Variants in MARCHF4 observed in about 807,000 individuals in gnomAD.
MARCHF4 encodes membrane associated ring-CH-type finger 4.
A neutral mutation model predicts 43.9 loss-of-function variants in MARCHF4; 14 were observed. That is an observed-to-expected ratio of 0.32 (90% CI 0.21 to 0.50). The LOEUF is 0.50. MARCHF4 is among the 20% of genes least tolerant of loss of function. The probability of loss-of-function intolerance (pLI) is 0.98; values close to 1 mark genes in which losing one functional copy is unlikely to be tolerated. For synonymous variants in MARCHF4, 226 were observed against 213.3 expected, an observed-to-expected ratio of 1.06 and a Z score of -0.52; for missense variants, 468 against 536.7, an observed-to-expected ratio of 0.87 and a Z score of 1.27.
intron 1 of MARCHF4, among the ~76,000 whole-genome samples, chr2:216,349,922 C>T (rs896546878): frequency 1.6e-4 from 24 of 152,116 alleles, no homozygotes; most frequent in African/African-American, 5.6e-4. Context: ...TGGCCTGATG[C>T]TTTCCTCCCA....
intron 1 of MARCHF4, among the ~76,000 whole-genome samples, chr2:216,305,446 T>C (rs558132958): frequency 6.6e-6 from 1 of 152,354 alleles, no homozygotes; most frequent in South Asian, 2.1e-4. Context: ...GATAAATCCT[T>C]ATTCCTATTC....
chr2:216,355,155 A>G (rs1052513325), intron 1 of MARCHF4, among the ~76,000 whole-genome samples: 15 of 151,932 alleles, frequency 9.9e-5, no homozygotes, highest in African/African-American at 3.6e-4. Context: ...TATTTTTAGT[A>G]GAGACGGGGT....
intron 3 of MARCHF4, among the ~76,000 whole-genome samples, chr2:216,270,928 T>C (rs1173298634): frequency 6.6e-6 from 1 of 152,204 alleles, no homozygotes; most frequent in African/African-American, 2.4e-5. Flanking sequence ...TTACAAGCAT[T>C]TTCCAGCGAA....
At chr2:216,362,649 G>C (rs1010081672) in intron 1 of MARCHF4, among the ~76,000 whole-genome samples, 20 of 152,156 alleles carry the variant, frequency 1.3e-4, no homozygotes, top group African/African-American at 4.8e-4. Flanking sequence ...TTGGATTACA[G>C]AGTTGGATAG....
At chr2:216,287,170 T>C (rs554914147) in intron 1 of MARCHF4, among the ~76,000 whole-genome samples, 1 of 152,236 alleles carries the variant, frequency 6.6e-6, no homozygotes, top group South Asian at 2.1e-4. Flanking sequence ...CCCACCATCA[T>C]CCACAGTTTG....
intron 1 of MARCHF4, among the ~76,000 whole-genome samples, chr2:216,368,348 G>A (rs1306870196): frequency 6.6e-6 from 1 of 152,156 alleles, no homozygotes; most frequent in Non-Finnish European, 1.5e-5. Flanking sequence ...CACTCTGGAG[G>A]ATTTTTCCTA....
intron 1 of MARCHF4, among the ~76,000 whole-genome samples, chr2:216,313,560 C>G (rs1407372771): frequency 6.6e-6 from 1 of 152,184 alleles, no homozygotes; most frequent in Non-Finnish European, 1.5e-5. Context: ...GAGCAAATGG[C>G]ATGTAACATG....
rs893440885 is a variant in MARCHF4, at chr2:216,287,056, C to T, written c.517-3327G>A. Among the ~76,000 whole-genome samples the T allele has an allele frequency of 1.1e-3, 172 of 152,196 alleles. 3 individuals are homozygous for T. Among genetic ancestry groups the T allele is most frequent in the Admixed American group, 0.011 (172 of 15,280 alleles). ...CCACCCGCTGTGCTCATCCACCTTCCATCCTCTGGATCCTGCTGCCCCACC... is the reference window on the plus strand; with the variant it reads ...CCACCCGCTGTGCTCATCCACCTTCTATCCTCTGGATCCTGCTGCCCCACC... On this transcript the variant is annotated intron_variant, in intron 1 of 3. Coordinates refer to ENST00000273067, the MANE Select transcript of MARCHF4 (RefSeq NM_020814.3).
intron 1 of MARCHF4, among the ~76,000 whole-genome samples, chr2:216,369,068 T>A (rs781299046): frequency 2.0e-5 from 3 of 152,226 alleles, no homozygotes; most frequent in Non-Finnish European, 4.4e-5. Context: ...ATTGCCTACG[T>A]CAGTCTCTTA....
chr2:216,335,344 A>G (rs1692141034), intron 1 of MARCHF4, among the ~76,000 whole-genome samples: 1 of 152,240 alleles, frequency 6.6e-6, no homozygotes, highest in South Asian at 2.1e-4. Flanking sequence ...TGGGAATGAT[A>G]GAAAATGGCA....
intron 1 of MARCHF4, among the ~76,000 whole-genome samples, chr2:216,323,099 T>C (rs991285406): frequency 6.6e-6 from 1 of 152,192 alleles, no homozygotes; most frequent in Non-Finnish European, 1.5e-5. Context: ...GTGTACCTAA[T>C]ATTGAATAAG....
At chr2:216,270,516 C>T (rs1465750231) in intron 3 of MARCHF4, among the ~76,000 whole-genome samples, 1 of 152,142 alleles carries the variant, frequency 6.6e-6, no homozygotes. Flanking sequence ...AGGCCTCTCC[C>T]TCTTTCTACC....
chr2:216,307,568 A>G (rs1327474517), intron 1 of MARCHF4, among the ~76,000 whole-genome samples: 2 of 152,006 alleles, frequency 1.3e-5, no homozygotes, highest in Non-Finnish European at 2.9e-5. Flanking sequence ...TCTTTTCTCC[A>G]AAGGTATCCT....
rs567514434 is a variant in MARCHF4, at chr2:216,280,534, T to C, written c.673-2670A>G. Among the ~76,000 whole-genome samples, 48 of 152,328 alleles carry C rather than the reference T, an allele frequency of 3.2e-4. No individual in the cohort carries two copies. In the East Asian group the frequency reaches 7.7e-3, roughly 24 times the overall value. On this transcript the variant is annotated intron_variant, in intron 2 of 3. Coordinates refer to ENST00000273067, the MANE Select transcript of MARCHF4 (RefSeq NM_020814.3). ...GTCTTTCCTGCTTCCTAGAGTGTTA[T>C]GTTAAATGAAATCACTCTTAAACCA... is the stretch of plus-strand genomic sequence containing the variant.
chr2:216,300,348 A>ACACATATATATACGTATATATATGTG (rs1463914310), intron 1 of MARCHF4, among the ~76,000 whole-genome samples: 1 of 120,578 alleles, frequency 8.3e-6, no homozygotes, highest in African/African-American at 2.9e-5. Flanking sequence ...ATATATATAT[A>ACACATATATATACGTATATATATGTG]TGTATATATA....
chr2:216,356,123 T>C (rs546682122), intron 1 of MARCHF4, among the ~76,000 whole-genome samples: 124 of 152,354 alleles, frequency 8.1e-4, no homozygotes, highest in African/African-American at 2.6e-3. Context: ...CCACATTCCT[T>C]CAGTGTGCGA....
chr2:216,325,386 C>T (rs1004821259), intron 1 of MARCHF4, among the ~76,000 whole-genome samples: 3 of 152,210 alleles, frequency 2.0e-5, no homozygotes, highest in African/African-American at 7.2e-5. Flanking sequence ...AATGGCCATA[C>T]TGCCCAAGGT....
chr2:216,303,851 C>A (rs1241313372), intron 1 of MARCHF4, among the ~76,000 whole-genome samples: 1 of 152,082 alleles, frequency 6.6e-6, no homozygotes, highest in Middle Eastern at 3.2e-3. Flanking sequence ...AAAGCAACAC[C>A]AGATTCCAGG....
intron 1 of MARCHF4, among the ~76,000 whole-genome samples, chr2:216,363,679 T>C (rs1338184933): frequency 6.6e-6 from 1 of 152,182 alleles, no homozygotes; most frequent in Non-Finnish European, 1.5e-5. Context: ...CTTGGGTCCA[T>C]AATGGTGTCT....
Sources: allele counts gnomAD v4.1 joint callset (sites outside exome capture counted in the v4.1 genomes callset), GRCh38; gene constraint gnomAD v4.1.1; transcripts MANE v1.5; gene names NCBI Gene and HGNC (gene_info 2026-07-23, HGNC 2026-07-21).